MLYCD: variants seen among roughly 807,000 people sequenced by gnomAD.
The protein encoded by MLYCD is malonyl-CoA decarboxylase, also known as malonyl-CoA decarboxylase, mitochondrial.
In MLYCD, 27 loss-of-function variants were observed where a neutral mutation model predicts 35.8. The observed-to-expected ratio is 0.75, with a 90% CI of 0.56 to 1.04. The LOEUF (loss-of-function observed/expected upper bound fraction) is 1.04, where lower values mean the gene tolerates loss of function less well. Among genes scored for constraint, MLYCD ranks in the 50% least tolerant of loss-of-function variants. The pLI is 0.00. For missense variants in MLYCD, 917 were observed against 665.1 expected (o/e 1.38, Z -4.17); for synonymous variants, 403 against 302.4 (o/e 1.33, Z -3.45).
chr16:83,901,530 T>C (rs1484688244), intron 1 of MLYCD, among the ~76,000 whole-genome samples: 1 of 152,224 alleles, frequency 6.6e-6, no homozygotes, highest in African/African-American at 2.4e-5. Context: ...TCTGCCCAGC[T>C]GAGAGGGTCC....
chr16:83,920,931 TG>T lies in MLYCD; in HGVS notation c.*5444del, dbSNP rs1225776736. ...ATGGATGGATGGATGGATGGATGGATGGATGGATGGATGACAGATGGATGGT... is the reference window on the plus strand; with the variant it reads ...ATGGATGGATGGATGGATGGATGGATGATGGATGGATGACAGATGGATGGT... On this transcript the variant is annotated 3_prime_UTR_variant, in exon 5 of 5. Transcript: ENST00000262430. The T allele has an allele frequency of 2.9e-5, 4 of 138,834 alleles. No individual in the cohort carries two copies. The highest frequency in any genetic ancestry group is 1.1e-4 in the African/African-American group (4 of 37,482). 8.6% of individuals were successfully genotyped at this position (138,834 alleles called of 1,614,324 possible). A position where few individuals can be genotyped will look rare whatever the true frequency, so the allele number is the denominator to read the frequency against.
chr16:83,903,215 C>G (rs1168441951), intron 1 of MLYCD, among the ~76,000 whole-genome samples: 1 of 152,130 alleles, frequency 6.6e-6, no homozygotes, highest in Non-Finnish European at 1.5e-5. Context: ...AACAGAGGCA[C>G]AGAAACTAGA....
intron 1 of MLYCD, among the ~76,000 whole-genome samples, chr16:83,906,334 C>T (rs570213690): frequency 2.0e-5 from 3 of 152,214 alleles, no homozygotes; most frequent in South Asian, 2.1e-4. Flanking sequence ...AAGGCTGCAG[C>T]GAGCCGTGTT....
Position 83,915,088 on chromosome 16 carries a change from A to C in MLYCD, c.1081A>C (p.Lys361Gln). ...TGAACTCTTTACAGATTCGGAATGTAAGGAAATCTCGGAGATCACAGGTGG... is the reference window on the plus strand; with the variant it reads ...TGAACTCTTTACAGATTCGGAATGTCAGGAAATCTCGGAGATCACAGGTGG... ...RNELFTDSEC[K>Q]EISEITGGPI... The change falls in exon 5 of 5, where the codon AAG becomes CAG. Residue 361 changes from lysine to glutamine, a missense_variant. Coordinates refer to ENST00000262430, the MANE Select transcript of MLYCD (RefSeq NM_012213.3). 1 of 1,614,244 alleles carries C rather than the reference A, an allele frequency of 6.2e-7. No homozygotes were observed. Among genetic ancestry groups the C allele is most frequent in the Non-Finnish European group, 8.5e-7 (1 of 1,180,052 alleles).
chr16:83,915,863 C>G lies in MLYCD; in HGVS notation c.*374C>G, dbSNP rs993469148. The G allele has an allele frequency of 8.4e-7, 1 of 1,184,442 alleles. No homozygotes were observed. The allele number at this position is 1,184,442 out of a possible 1,614,324, so 73.4% of individuals were successfully genotyped here. On this transcript the variant is annotated 3_prime_UTR_variant, in exon 5 of 5. Transcript: ENST00000262430. ...GGGGATCTGGCATCCTCCTAAGGAC[C>G]GGGGCGCGTGGCCCAGATAAGAATA...
intron 1 of MLYCD, among the ~76,000 whole-genome samples, chr16:83,902,948 A>G (rs1906850454): frequency 6.6e-6 from 1 of 152,024 alleles, no homozygotes; most frequent in African/African-American, 2.4e-5. Flanking sequence ...TGTGGGTATG[A>G]GGATGTGATG....
At chr16:83,912,528 A>G (rs1907217870) in intron 4 of MLYCD, 161 bp downstream of exon 4, 2 of 870,240 alleles carry the variant, frequency 2.3e-6, no homozygotes, top group Non-Finnish European at 3.6e-6. Flanking sequence ...GGCAACTCCT[A>G]GGAGCCATGA....
rs191765343 is a variant in MLYCD, at chr16:83,902,266, G to A, written c.528+2594G>A. Among the ~76,000 whole-genome samples, 473 of 145,214 alleles carry A rather than the reference G, an allele frequency of 3.3e-3. 1 individual carries two copies. The highest frequency in any genetic ancestry group is 5.0e-3 in the Non-Finnish European group (333 of 66,628). On this transcript the variant is annotated intron_variant, in intron 1 of 4. Coordinates refer to ENST00000262430, the MANE Select transcript of MLYCD (RefSeq NM_012213.3). ...TCATGTTTATGTTTTTTCTTGTTAC[G>A]TTTCCCAGGCTGGTCTTGAACTCCT...
rs986021723 is a variant in MLYCD at position 83,923,186 on chromosome 16, T to G, written c.*7697T>G. On this transcript the variant is annotated 3_prime_UTR_variant, in exon 5 of 5. Transcript: ENST00000262430. Reference sequence around the variant, plus strand: ...GCTCCCAAGAGGGCTTCCCTCCTCCTCGTTCTGTGTGGCCTCAGAAGTGAG... The same window carrying G: ...GCTCCCAAGAGGGCTTCCCTCCTCCGCGTTCTGTGTGGCCTCAGAAGTGAG... 1 of 152,260 alleles carries G rather than the reference T, an allele frequency of 6.6e-6. No homozygotes were observed. The highest frequency in any genetic ancestry group is 1.5e-5 in the Non-Finnish European group (1 of 68,076). 9.4% of individuals were successfully genotyped at this position (152,260 alleles called of 1,614,324 possible).
chr16:83,909,532 T>G (rs1384749123), intron 3 of MLYCD, among the ~76,000 whole-genome samples: 2 of 152,164 alleles, frequency 1.3e-5, no homozygotes, highest in East Asian at 3.8e-4. Context: ...ATAATATCTG[T>G]TGAGTAGTGC....
intron 4 of MLYCD, chr16:83,913,616 G>C (rs146686561): frequency 6.6e-6 from 1 of 152,190 alleles, no homozygotes; most frequent in East Asian, 1.9e-4. Context: ...TCAGGAGTTC[G>C]AGACTAGCCT....
chr16:83,905,663 C>T (rs986609248), intron 1 of MLYCD, among the ~76,000 whole-genome samples: 5 of 152,210 alleles, frequency 3.3e-5, no homozygotes, highest in Non-Finnish European at 5.9e-5. Flanking sequence ...AGGGCCTGCT[C>T]CTGCTGTCTT....
intron 1 of MLYCD, among the ~76,000 whole-genome samples, chr16:83,903,090 G>A (rs1906855764): frequency 3.9e-5 from 6 of 152,172 alleles, no homozygotes; most frequent in Admixed American, 3.3e-4. Flanking sequence ...AGGTCTGAGC[G>A]AGGTTCAGTG....
intron 1 of MLYCD, among the ~76,000 whole-genome samples, chr16:83,901,123 C>T (rs1308491377): frequency 6.6e-6 from 1 of 152,144 alleles, no homozygotes; most frequent in African/African-American, 2.4e-5. Flanking sequence ...TACTGAGGGC[C>T]AGGCATCTTT....
In MLYCD at chr16:83,915,272, T is replaced by G; in HGVS notation, c.1265T>G (p.Phe422Cys). The change falls in exon 5 of 5, where the codon TTC (phenylalanine) becomes TGC (cysteine). Residue 422 changes from phenylalanine to cysteine, a missense_variant. Coordinates refer to ENST00000262430, the MANE Select transcript of MLYCD (RefSeq NM_012213.3). ...TACGCGCTGAACCCCGTGGCCAACT[T>G]CCACCTGCAGAACGGGGCGGTGCTG... ...RGYALNPVAN[F>C]HLQNGAVLWR... is the part of the protein sequence containing the mutation. 6.2e-7 allele frequency: 1 copy of G among 1,612,270 alleles called. No individual in the cohort carries two copies. Among genetic ancestry groups the G allele is most frequent in the Non-Finnish European group, 8.5e-7 (1 of 1,178,460 alleles).
Position 83,917,823 on chromosome 16 carries a change from C to A in MLYCD, c.*2334C>A, listed in dbSNP as rs1006744787. 6.6e-6 allele frequency: 1 copy of A among 152,306 alleles called. No homozygotes were observed. The highest frequency in any genetic ancestry group is 1.5e-5 in the Non-Finnish European group (1 of 68,076). The allele number at this position is 152,306 out of a possible 1,614,324, so 9.4% of individuals were successfully genotyped here. A position where few individuals can be genotyped will look rare whatever the true frequency, so the allele number is the denominator to read the frequency against. ...CCTCCAGAGTGCCATGGACAGATCA[C>A]CCATTCTCGATCACTCCGGCAGCCT... On this transcript the variant is annotated 3_prime_UTR_variant, in exon 5 of 5. Transcript: ENST00000262430.
chr16:83,918,176 A>G lies in MLYCD; in HGVS notation c.*2687A>G, dbSNP rs1303602871. 6.6e-6 allele frequency: 1 copy of G among 152,260 alleles called. No homozygotes were observed. Among genetic ancestry groups the G allele is most frequent in the Non-Finnish European group, 1.5e-5 (1 of 68,048 alleles). 9.4% of individuals were successfully genotyped at this position (152,260 alleles called of 1,614,324 possible). A position where few individuals can be genotyped will look rare whatever the true frequency, so the allele number is the denominator to read the frequency against. The stretch of plus-strand genomic sequence containing the variant: ...AAATGTAACCCTCCCGGTTTTATTT[A>G]TCACTCAGGCAGAGTTTCTTAACCT... On this transcript the variant is annotated 3_prime_UTR_variant, in exon 5 of 5. Coordinates refer to ENST00000262430, the MANE Select transcript of MLYCD (RefSeq NM_012213.3).
chr16:83,902,038 T>C (rs952833062), intron 1 of MLYCD, among the ~76,000 whole-genome samples: 29 of 151,858 alleles, frequency 1.9e-4, no homozygotes, highest in African/African-American at 6.5e-4. Context: ...TCAGTGCATG[T>C]AACTGTTAGT....
intron 4 of MLYCD, chr16:83,913,853 G>C (rs1233248898): frequency 6.6e-6 from 1 of 151,076 alleles, no homozygotes; most frequent in Non-Finnish European, 1.5e-5. Context: ...AAAACCCCGG[G>C]AGCTACCACG....
Sources: allele counts gnomAD v4.1 joint callset (sites outside exome capture counted in the v4.1 genomes callset), GRCh38; gene constraint gnomAD v4.1.1; transcripts MANE v1.5; gene names NCBI Gene and HGNC (gene_info 2026-07-23, HGNC 2026-07-21).